The following SORCS3 variants were observed in gnomAD, a reference collection of about 807,000 sequenced individuals.
The protein encoded by SORCS3 is VPS10 domain-containing receptor SorCS3.
SORCS3 carries 57 observed loss-of-function variants against 146.3 expected under a neutral mutation model. The ratio of observed to expected loss-of-function variants is 0.39; its 90% CI spans 0.31 to 0.49. The LOEUF (loss-of-function observed/expected upper bound fraction) is 0.49, where lower values mean the gene tolerates loss of function less well. Among genes scored for constraint, SORCS3 ranks in the 20% least tolerant of loss-of-function variants. The pLI, the probability that SORCS3 is intolerant of heterozygous loss-of-function variation, is 0.92. For missense variants in SORCS3, 1,341 were observed against 1,575.5 expected, an observed-to-expected ratio of 0.85 and a Z score of 2.52; for synonymous variants, 653 against 618.5, an observed-to-expected ratio of 1.06 and a Z score of -0.83.
intron 1 of SORCS3, among the ~76,000 whole-genome samples, chr10:104,795,142 A>G (rs1459294423): frequency 6.6e-6 from 1 of 152,214 alleles, no homozygotes; most frequent in African/African-American, 2.4e-5. Flanking sequence ...CAGAAATAAA[A>G]GGGGAGTAAT....
chr10:104,870,692 G>T lies in SORCS3; in HGVS notation c.695+27833G>T, dbSNP rs151222737. Among the ~76,000 whole-genome samples, 131 of 152,152 alleles carry T rather than the reference G, an allele frequency of 8.6e-4. No individual in the cohort carries two copies. The South Asian group carries it at 9.5e-3, about 11-fold the overall frequency. On this transcript the variant is annotated intron_variant, in intron 2 of 26. Coordinates refer to ENST00000369701, the MANE Select transcript of SORCS3 (RefSeq NM_014978.3). ...AAGGAGAAATGGCTCACTTGGAGAG[G>T]GAGAGCCTGGCTGTGATACGGTCAT...
intron 5 of SORCS3, among the ~76,000 whole-genome samples, chr10:105,061,765 A>T (rs1255371857): frequency 1.3e-5 from 2 of 152,196 alleles, no homozygotes; most frequent in African/African-American, 4.8e-5. Flanking sequence ...CCTGTGATAC[A>T]GGTGCAGCAG....
chr10:105,082,450 A>G (rs1410206788), intron 5 of SORCS3, among the ~76,000 whole-genome samples: 4 of 152,240 alleles, frequency 2.6e-5, no homozygotes, highest in African/African-American at 9.6e-5. Context: ...TAACGACTGC[A>G]TTATATGTGT....
intron 7 of SORCS3, among the ~76,000 whole-genome samples, chr10:105,136,861 C>G (rs535777927): frequency 2.0e-5 from 3 of 152,044 alleles, no homozygotes; most frequent in Non-Finnish European, 4.4e-5. Context: ...TTGGACCATT[C>G]GACAATGCAT....
chr10:105,257,019 T>C, intron 25 of SORCS3, 95 bp downstream of exon 25: 7 of 862,754 alleles, frequency 8.1e-6, no homozygotes, highest in Non-Finnish European at 1.3e-5. Flanking sequence ...CGCAAGAATG[T>C]GATTTTTAAT....
intron 4 of SORCS3, among the ~76,000 whole-genome samples, chr10:105,036,804 G>T (rs149063193): frequency 1.1e-3 from 160 of 152,302 alleles, no homozygotes; most frequent in African/African-American, 3.3e-3. Context: ...CAGGGAAAGA[G>T]AGGCAGAGAC....
At chr10:105,144,417 C>T (rs988139999) in intron 8 of SORCS3, among the ~76,000 whole-genome samples, 4 of 152,108 alleles carry the variant, frequency 2.6e-5, no homozygotes, top group African/African-American at 9.7e-5. Flanking sequence ...TGCTTAATAA[C>T]ATGGGTATTT....
chr10:105,198,109 G>C (rs2056554278), intron 14 of SORCS3, among the ~76,000 whole-genome samples: 1 of 152,078 alleles, frequency 6.6e-6, no homozygotes, highest in Admixed American at 6.6e-5. Context: ...ATGCCATGCT[G>C]GTATCCAGGT....
chr10:104,856,287 CTA>C (rs922172952), intron 2 of SORCS3, among the ~76,000 whole-genome samples: 29 of 150,204 alleles, frequency 1.9e-4, no homozygotes, highest in Non-Finnish European at 3.4e-4. Context: ...CTCTCTCTCT[CTA>C]CATATATATA....
At chr10:105,244,849 G>A (rs189396082) in intron 20 of SORCS3, among the ~76,000 whole-genome samples, 50 of 152,058 alleles carry the variant, frequency 3.3e-4, no homozygotes, top group Admixed American at 2.7e-3. Flanking sequence ...TGGGTGGATT[G>A]CCTGAGCTCA....
At chr10:104,883,033 C>G (rs7068414) in intron 2 of SORCS3, among the ~76,000 whole-genome samples, 55,079 of 152,122 alleles carry the variant, frequency 0.36, 12,975 homozygotes, top group African/African-American at 0.67. Context: ...GCTGTGCCAC[C>G]TGCCAGTCAA....
chr10:105,017,567 T>G (rs372755269), intron 4 of SORCS3, among the ~76,000 whole-genome samples: 137 of 152,250 alleles, frequency 9.0e-4, no homozygotes, highest in Middle Eastern at 6.8e-3. Flanking sequence ...TCTATTATTA[T>G]TAGTAGTATT....
intron 20 of SORCS3, among the ~76,000 whole-genome samples, chr10:105,231,265 C>T (rs1259167945): frequency 2.0e-5 from 3 of 152,224 alleles, no homozygotes; most frequent in Non-Finnish European, 4.4e-5. Flanking sequence ...TGCCTTTGGT[C>T]AGCCATCTTT....
intron 7 of SORCS3, among the ~76,000 whole-genome samples, chr10:105,126,269 A>G (rs1221039634): frequency 6.6e-6 from 1 of 152,078 alleles, no homozygotes; most frequent in Non-Finnish European, 1.5e-5. Context: ...ATTTCTTTCC[A>G]TTCCCCCAAA....
At chr10:104,712,780 C>A (rs1359951975) in intron 1 of SORCS3, among the ~76,000 whole-genome samples, 2 of 152,134 alleles carry the variant, frequency 1.3e-5, no homozygotes, top group East Asian at 3.9e-4. Flanking sequence ...CCCTAAGTAA[C>A]CCAGATGAGG....
chr10:104,959,739 C>T (rs1042166636), intron 3 of SORCS3, among the ~76,000 whole-genome samples: 15 of 152,148 alleles, frequency 9.9e-5, no homozygotes, highest in African/African-American at 3.6e-4. Flanking sequence ...TTAACTCTGC[C>T]TGTGGGTGAA....
intron 6 of SORCS3, among the ~76,000 whole-genome samples, chr10:105,100,110 C>G (rs1281533669): frequency 6.6e-6 from 1 of 152,182 alleles, no homozygotes; most frequent in African/African-American, 2.4e-5. Context: ...CCCTAAAGGG[C>G]CTGCTAGCTG....
At chr10:105,195,323 C>T (rs1484237) in intron 14 of SORCS3, among the ~76,000 whole-genome samples, 35,260 of 151,870 alleles carry the variant, frequency 0.23, 4,089 homozygotes, top group East Asian at 0.32. Context: ...CAATTAGAAG[C>T]GGTCTGGGCT....
chr10:104,705,111 G>T (rs987027025), intron 1 of SORCS3, among the ~76,000 whole-genome samples: 1 of 151,896 alleles, frequency 6.6e-6, no homozygotes, highest in Non-Finnish European at 1.5e-5. Flanking sequence ...TGAAAAATTT[G>T]TCTGAACTTT....
Sources: gnomAD v4.1 joint callset for allele counts (sites outside exome capture counted in the v4.1 genomes callset) on GRCh38, gnomAD v4.1.1 for gene constraint, MANE v1.5 for transcripts, NCBI Gene and HGNC (gene_info 2026-07-23, HGNC 2026-07-21) for gene names.